Variants in CSMD1 observed in about 807,000 individuals in gnomAD.
CSMD1 encodes CUB and Sushi multiple domains 1.
CSMD1 carries 213 observed loss-of-function variants against 417.5 expected under a neutral mutation model. The observed-to-expected ratio is 0.51, with a 90% CI of 0.46 to 0.57. The LOEUF (loss-of-function observed/expected upper bound fraction) is 0.57, where lower values mean the gene tolerates loss of function less well. CSMD1 is among the 20% of genes least tolerant of loss of function. The pLI is 0.00. For synonymous variants in CSMD1, 2,862 were observed against 1,736.8 expected, an observed-to-expected ratio of 1.65 and a Z score of -16.11; for missense variants, 6,923 against 4,529.7, an observed-to-expected ratio of 1.53 and a Z score of -15.17.
intron 5 of CSMD1, among the ~76,000 whole-genome samples, chr8:3,754,468 AT>A (rs1797542371): frequency 6.7e-6 from 1 of 150,086 alleles, no homozygotes; most frequent in Admixed American, 6.7e-5. Flanking sequence ...TTATTTATTT[AT>A]TTTGAGACGG....
At chr8:4,464,205 C>T (rs1199876363) in intron 2 of CSMD1, among the ~76,000 whole-genome samples, 1 of 152,142 alleles carries the variant, frequency 6.6e-6, no homozygotes, top group African/African-American at 2.4e-5. Flanking sequence ...CCTTCCAAGA[C>T]CCAGTTTGGA....
At chr8:3,332,468 G>A (rs1021462383) in intron 23 of CSMD1, among the ~76,000 whole-genome samples, 3 of 152,236 alleles carry the variant, frequency 2.0e-5, no homozygotes, top group Admixed American at 2.0e-4. Context: ...TGAGGCTGAT[G>A]CTTAGGGAAG....
At chr8:4,047,452 T>G (rs1798205770) in intron 3 of CSMD1, among the ~76,000 whole-genome samples, 1 of 152,188 alleles carries the variant, frequency 6.6e-6, no homozygotes, top group African/African-American at 2.4e-5. Context: ...AGGGAATTCT[T>G]AAGAATCATT....
At chr8:4,385,531 CTCCTT>C (rs1363842230) in intron 3 of CSMD1, among the ~76,000 whole-genome samples, 3 of 152,082 alleles carry the variant, frequency 2.0e-5, no homozygotes, top group Non-Finnish European at 2.9e-5. Flanking sequence ...GAATATTAAT[CTCCTT>C]TCATTTTTTT....
chr8:3,971,233 A>G (rs1813065851), intron 5 of CSMD1, among the ~76,000 whole-genome samples: 1 of 152,110 alleles, frequency 6.6e-6, no homozygotes, highest in Non-Finnish European at 1.5e-5. Context: ...CCTACAGACC[A>G]TGCGCACTTC....
At chr8:4,305,145 A>T (rs1426355672) in intron 3 of CSMD1, among the ~76,000 whole-genome samples, 1 of 152,206 alleles carries the variant, frequency 6.6e-6, no homozygotes, top group Non-Finnish European at 1.5e-5. Context: ...ATGCATTGGT[A>T]TCTATTTTGA....
intron 3 of CSMD1, among the ~76,000 whole-genome samples, chr8:4,293,092 C>A (rs181972340): frequency 1.3e-5 from 2 of 152,108 alleles, no homozygotes; most frequent in African/African-American, 4.8e-5. Context: ...ACTGCACATG[C>A]GGAAACAGCA....
At chr8:4,384,212 A>G (rs1194975293) in intron 3 of CSMD1, among the ~76,000 whole-genome samples, 2 of 152,052 alleles carry the variant, frequency 1.3e-5, no homozygotes, top group South Asian at 4.1e-4. Flanking sequence ...CCACACTCCT[A>G]TGATTTCAAA....
intron 5 of CSMD1, among the ~76,000 whole-genome samples, chr8:3,812,567 T>C (rs1011836032): frequency 7.9e-5 from 12 of 152,180 alleles, no homozygotes; most frequent in African/African-American, 2.9e-4. Flanking sequence ...CTCGGAGACC[T>C]TGCTTATGAG....
At chr8:3,979,176 T>A (rs1027601954) in intron 5 of CSMD1, among the ~76,000 whole-genome samples, 2 of 152,216 alleles carry the variant, frequency 1.3e-5, no homozygotes, top group Admixed American at 1.3e-4. Flanking sequence ...TGTGAGATCT[T>A]AGCACACTAA....
intron 2 of CSMD1, among the ~76,000 whole-genome samples, chr8:4,618,015 G>A (rs1187953315): frequency 6.6e-6 from 1 of 152,144 alleles, no homozygotes; most frequent in Admixed American, 6.6e-5. Flanking sequence ...CTCTTGGCCA[G>A]TTTTACTTTA....
intron 11 of CSMD1, among the ~76,000 whole-genome samples, chr8:3,492,220 T>A (rs141652086): frequency 6.6e-6 from 1 of 152,264 alleles, no homozygotes; most frequent in East Asian, 1.9e-4. Flanking sequence ...AGTGGAGTGT[T>A]ATTTCCCCAA....
At chr8:3,973,114 A>C (rs374627445) in intron 5 of CSMD1, among the ~76,000 whole-genome samples, 31 of 152,326 alleles carry the variant, frequency 2.0e-4, no homozygotes, top group Middle Eastern at 3.4e-3. Flanking sequence ...TGCTTTCTTG[A>C]CAGTTGGAAA....
At chr8:4,069,569 C>G (rs1799436781) in intron 3 of CSMD1, among the ~76,000 whole-genome samples, 1 of 152,204 alleles carries the variant, frequency 6.6e-6, no homozygotes, top group African/African-American at 2.4e-5. Flanking sequence ...TCACAGGCAT[C>G]CATGCAGATG....
intron 3 of CSMD1, among the ~76,000 whole-genome samples, chr8:4,125,777 G>A (rs1024015118): frequency 6.6e-6 from 1 of 152,092 alleles, no homozygotes; most frequent in Non-Finnish European, 1.5e-5. Context: ...TCAACTGATA[G>A]AGCCCTTATC....
chr8:4,117,185 G>T (rs915263915), intron 3 of CSMD1, among the ~76,000 whole-genome samples: 2 of 151,786 alleles, frequency 1.3e-5, no homozygotes, highest in Admixed American at 1.3e-4. Context: ...TATTCATCTC[G>T]ATGGTTGCTG....
At chr8:4,242,254 A>T (rs1318997600) in intron 3 of CSMD1, among the ~76,000 whole-genome samples, 1 of 152,182 alleles carries the variant, frequency 6.6e-6, no homozygotes, top group South Asian at 2.1e-4. Flanking sequence ...CTTTATAAAC[A>T]TCATCTTCTG....
intron 34 of CSMD1, 46 bp from the exon 35 acceptor site, chr8:3,189,057 G>A (rs762659308): frequency 1.9e-6 from 3 of 1,566,362 alleles, no homozygotes; most frequent in African/African-American, 1.4e-5. Context: ...CTGTGGGACA[G>A]TGTTGATTTG....
At chr8:4,539,126 T>C (rs1398074891) in intron 2 of CSMD1, among the ~76,000 whole-genome samples, 2 of 152,188 alleles carry the variant, frequency 1.3e-5, no homozygotes, top group Non-Finnish European at 2.9e-5. Flanking sequence ...GCATATTCTG[T>C]GGAAAAAGCT....
Sources: gnomAD v4.1 joint callset for allele counts (sites outside exome capture counted in the v4.1 genomes callset) on GRCh38, gnomAD v4.1.1 for gene constraint, MANE v1.5 for transcripts, NCBI Gene and HGNC (gene_info 2026-07-23, HGNC 2026-07-21) for gene names.